Variants in THSD7B observed in about 807,000 individuals in gnomAD.
THSD7B encodes the protein thrombospondin type 1 domain containing 7B.
THSD7B carries 138 observed loss-of-function variants against 213.6 expected under a neutral mutation model. The observed-to-expected ratio is 0.65, with a 90% CI of 0.56 to 0.74. The LOEUF (loss-of-function observed/expected upper bound fraction) is 0.74. Among genes scored for constraint, THSD7B ranks in the 30% least tolerant of loss-of-function variants. The pLI is 0.00. For synonymous variants in THSD7B, 742 were observed against 687.0 expected (o/e 1.08, Z -1.25); for missense variants, 1,931 against 1,991.5 (o/e 0.97, Z 0.58).
intron 2 of THSD7B, among the ~76,000 whole-genome samples, chr2:136,900,295 T>A (rs903157788): frequency 6.6e-6 from 1 of 152,210 alleles, no homozygotes; most frequent in African/African-American, 2.4e-5. Context: ...GATGTGTGTT[T>A]GTTCTTACTG....
At chr2:136,771,533 T>G (rs528506848) in intron 1 of THSD7B, among the ~76,000 whole-genome samples, 2 of 152,114 alleles carry the variant, frequency 1.3e-5, no homozygotes, top group Admixed American at 1.3e-4. Flanking sequence ...GACTCACACT[T>G]ATTTAAAGTG....
At chr2:136,926,999 G>A (rs975455607) in intron 2 of THSD7B, among the ~76,000 whole-genome samples, 4 of 152,036 alleles carry the variant, frequency 2.6e-5, no homozygotes, top group African/African-American at 9.7e-5. Context: ...TAACACTTTT[G>A]TGCTTAAGAT....
intron 7 of THSD7B, among the ~76,000 whole-genome samples, chr2:137,229,350 G>GGT (rs143029313): frequency 0.29 from 43,858 of 150,040 alleles, 6,611 homozygotes; most frequent in Non-Finnish European, 0.34. Flanking sequence ...TGCTGTATTG[G>GGT]GTGTGTGTGT....
chr2:137,496,016 A>G (rs1293975488), intron 15 of THSD7B, among the ~76,000 whole-genome samples: 1 of 20,390 alleles, frequency 4.9e-5, no homozygotes, highest in Non-Finnish European at 4.0e-4. Context: ...AGACTCAATT[A>G]TTGGGGTATC....
In THSD7B at chr2:137,045,257, G is replaced by C. The variant is rs1303987618; in HGVS notation, c.140-11163G>C. 3.3e-5 allele frequency among the ~76,000 whole-genome samples: 5 copies of C among 151,796 alleles called. No individual in the cohort carries two copies. In the South Asian group the frequency reaches 1.0e-3, roughly 32 times the overall value. ...GCTAACACTTTATGACTCCTCTTTG[G>C]TGTATCTGAATTGCCAGCATCACTA... On this transcript the variant is annotated intron_variant, in intron 2 of 27. Transcript: ENST00000409968.
intron 2 of THSD7B, among the ~76,000 whole-genome samples, chr2:136,955,085 A>C (rs543865466): frequency 1.6e-3 from 239 of 152,314 alleles, no homozygotes; most frequent in African/African-American, 5.7e-3. Context: ...TTGGAGGGTT[A>C]GGAAAAGACC....
At chr2:137,428,050 T>C (rs1687098149) in intron 14 of THSD7B, among the ~76,000 whole-genome samples, 1 of 152,172 alleles carries the variant, frequency 6.6e-6, no homozygotes, top group Non-Finnish European at 1.5e-5. Flanking sequence ...GCACGTCATA[T>C]ATCTGATAAG....
chr2:136,996,576 G>A (rs529370304), intron 2 of THSD7B, among the ~76,000 whole-genome samples: 40 of 152,118 alleles, frequency 2.6e-4, no homozygotes, highest in African/African-American at 9.4e-4. Context: ...AAACCCCTGG[G>A]CTCAAGCAAT....
chr2:137,085,181 G>T (rs1687816117), intron 3 of THSD7B, among the ~76,000 whole-genome samples: 1 of 152,112 alleles, frequency 6.6e-6, no homozygotes, highest in Non-Finnish European at 1.5e-5. Context: ...TGGCATTTGT[G>T]GAACACAAAT....
intron 7 of THSD7B, among the ~76,000 whole-genome samples, chr2:137,187,897 C>A (rs1680580228): frequency 6.6e-6 from 1 of 151,962 alleles, no homozygotes; most frequent in Admixed American, 6.6e-5. Flanking sequence ...ACATCCCCTC[C>A]TACCTGTGTA....
At chr2:136,872,814 CAAAAAAA>C (rs60759275) in intron 1 of THSD7B, among the ~76,000 whole-genome samples, 4 of 65,540 alleles carry the variant, frequency 6.1e-5, no homozygotes, top group African/African-American at 2.6e-4. Context: ...ACTGAAAATA[CAAAAAAA>C]AAAAAAAAAA....
intron 12 of THSD7B, among the ~76,000 whole-genome samples, chr2:137,388,738 T>C (rs533054494): frequency 8.5e-5 from 13 of 152,258 alleles, no homozygotes; most frequent in Non-Finnish European, 1.8e-4. Flanking sequence ...TCAGCTTATT[T>C]AGCACCTACA....
intron 2 of THSD7B, among the ~76,000 whole-genome samples, chr2:136,950,138 G>T (rs1388675857): frequency 6.6e-6 from 1 of 152,168 alleles, no homozygotes; most frequent in Admixed American, 6.5e-5. Flanking sequence ...TGTAGTCCCA[G>T]CTACTTGGGA....
At chr2:137,100,342 G>C (rs943740062) in intron 4 of THSD7B, among the ~76,000 whole-genome samples, 2 of 151,986 alleles carry the variant, frequency 1.3e-5, no homozygotes, top group African/African-American at 4.8e-5. Flanking sequence ...TCCAGTCTGT[G>C]TTCACTTAGG....
intron 2 of THSD7B, among the ~76,000 whole-genome samples, chr2:136,962,908 T>C (rs970419437): frequency 1.3e-5 from 2 of 152,210 alleles, no homozygotes; most frequent in African/African-American, 4.8e-5. Context: ...TGAAAACTAA[T>C]ATTTCAATTC....
At position 136,929,271 on chromosome 2, in the gene THSD7B, G is replaced by A. The variant is rs1323300806; in HGVS notation, c.139+46954G>A. ...ATTAATCATTTCAGTTTGTAAAACA[G>A]ATGGTTGCTTTAGTTTATTTAATTT... is the stretch of plus-strand genomic sequence containing the variant. On this transcript the variant is annotated intron_variant, in intron 2 of 27. Coordinates refer to ENST00000409968, the MANE Select transcript of THSD7B (RefSeq NM_001316349.2). 2.0e-5 allele frequency among the ~76,000 whole-genome samples: 3 copies of A among 152,166 alleles called. No individual in the cohort carries two copies. The East Asian group carries it at 5.8e-4, about 29-fold the overall frequency.
intron 1 of THSD7B, among the ~76,000 whole-genome samples, chr2:136,867,838 T>C (rs935236055): frequency 2.6e-5 from 4 of 152,242 alleles, no homozygotes; most frequent in South Asian, 4.1e-4. Context: ...AAATTTTTGA[T>C]TTTGTGTTTT....
intron 2 of THSD7B, among the ~76,000 whole-genome samples, chr2:136,936,996 C>T (rs1233804692): frequency 6.6e-6 from 1 of 152,014 alleles, no homozygotes; most frequent in Non-Finnish European, 1.5e-5. Flanking sequence ...AAATTTTACT[C>T]ATTTAAAATG....
chr2:137,308,934 T>C (rs1683822307), intron 12 of THSD7B, among the ~76,000 whole-genome samples: 1 of 152,150 alleles, frequency 6.6e-6, no homozygotes, highest in Admixed American at 6.6e-5. Flanking sequence ...TATTGCTGAA[T>C]GATATGACAT....
Sources: allele counts gnomAD v4.1 joint callset (sites outside exome capture counted in the v4.1 genomes callset), GRCh38; gene constraint gnomAD v4.1.1; transcripts MANE v1.5; gene names NCBI Gene and HGNC (gene_info 2026-07-23, HGNC 2026-07-21).